Variants in POU4F2 observed in about 807,000 individuals in gnomAD.
POU4F2 encodes the protein POU class 4 homeobox 2, also known as POU domain, class 4, transcription factor 2.
Under a neutral mutation model 21.5 loss-of-function variants are expected in POU4F2, and 10 were observed. That is an observed-to-expected ratio of 0.46 (90% CI 0.29 to 0.79). POU4F2 has a LOEUF of 0.79. Among genes scored for constraint, POU4F2 ranks in the 30% least tolerant of loss-of-function variants. The pLI, the probability that POU4F2 is intolerant of heterozygous loss-of-function variation, is 0.10. For missense variants in POU4F2, 623 were observed against 603.3 expected (o/e 1.03, Z -0.34); for synonymous variants, 324 against 271.1 (o/e 1.20, Z -1.92).
intron 1 of POU4F2, 90 bp from the exon 2 acceptor site, chr4:146,639,777 G>T: frequency 7.8e-7 from 1 of 1,280,552 alleles, no homozygotes; most frequent in Non-Finnish European, 1.1e-6. Flanking sequence ...TAGGCGCGGC[G>T]ACGGTGTCGA....
chr4:146,640,469 C>T lies in POU4F2; in HGVS notation c.891C>T (p.Ser297=). The T allele has an allele frequency of 6.2e-7, 1 of 1,614,056 alleles. No homozygotes were observed. Among genetic ancestry groups the T allele is most frequent in the Non-Finnish European group, 8.5e-7 (1 of 1,180,030 alleles). The stretch of plus-strand genomic sequence containing the variant: ...CCGGCGTGGGCTCGCTTAGCCAGAG[C>T]ACCATCTGCAGGTTCGAGTCCCTCA... The part of the protein sequence containing the change: ...KIPGVGSLSQ[S]TICRFESLTL... The change falls in exon 2 of 2, where the codon AGC becomes AGT. Residue 297 remains serine (S), a synonymous_variant. Coordinates refer to ENST00000281321, the MANE Select transcript of POU4F2 (RefSeq NM_004575.3). The surrounding 1 kb of genome is among the most constrained non-coding windows in gnomAD (Gnocchi z 4.8).
At position 146,640,899 on chromosome 4, in the gene POU4F2, C is replaced by T; in HGVS notation, c.*91C>T. 2 of 1,325,652 alleles carry T rather than the reference C, an allele frequency of 1.5e-6. No homozygotes were observed. The highest frequency in any genetic ancestry group is 2.0e-6 in the Non-Finnish European group (2 of 986,212). 82.1% of individuals were successfully genotyped at this position (1,325,652 alleles called of 1,614,324 possible). A position where few individuals can be genotyped will look rare whatever the true frequency, so the allele number is the denominator to read the frequency against. On this transcript the variant is annotated 3_prime_UTR_variant, in exon 2 of 2. Transcript: ENST00000281321. This position sits in a 1 kb window ranked among gnomAD's most constrained non-coding sequence, Gnocchi z 4.8. ...TCTTTTCACTTTTGGCGACTAGAAACAATTCCAGTAAATGTGAATCTCGAC... is the reference window on the plus strand; with the variant it reads ...TCTTTTCACTTTTGGCGACTAGAAATAATTCCAGTAAATGTGAATCTCGAC...
Position 146,642,007 on chromosome 4 carries a change from A to T in POU4F2, c.*1199A>T, listed in dbSNP as rs1004782788. The T allele has an allele frequency of 2.0e-5, 3 of 152,632 alleles. No homozygotes were observed. The highest frequency in any genetic ancestry group is 4.4e-5 in the Non-Finnish European group (3 of 68,034). The allele number at this position is 152,632 out of a possible 1,614,324, so 9.5% of individuals were successfully genotyped here. A position where few individuals can be genotyped will look rare whatever the true frequency, so the allele number is the denominator to read the frequency against. On this transcript the variant is annotated 3_prime_UTR_variant, in exon 2 of 2. Transcript: ENST00000281321. ...TTTCACCAAGGTATTTCAGTCTTCC[A>T]GTTTTCAATTGCTTTGTTGGCTACA...
rs1403079172 is a variant in POU4F2, at chr4:146,641,357, T to TA, written c.*549_*550insA. 6.6e-6 allele frequency: 1 copy of TA among 152,626 alleles called. No individual in the cohort carries two copies. Among genetic ancestry groups the TA allele is most frequent in the Non-Finnish European group, 1.5e-5 (1 of 68,036 alleles). The allele number at this position is 152,626 out of a possible 1,614,324, so 9.5% of individuals were successfully genotyped here. ...ATTTACACTGTATATTATATATATA[T>TA]TTTTATTGTGGTTCTTACCCCCTTT... is the stretch of plus-strand genomic sequence containing the variant. On this transcript the variant is annotated 3_prime_UTR_variant, in exon 2 of 2. Coordinates refer to ENST00000281321, the MANE Select transcript of POU4F2 (RefSeq NM_004575.3).
At position 146,640,368 on chromosome 4, in the gene POU4F2, C is replaced by G. The variant is rs771646896; in HGVS notation, c.790C>G (p.Arg264Gly). 1.3e-6 allele frequency: 2 copies of G among 1,598,892 alleles called. No individual in the cohort carries two copies. The highest frequency in any genetic ancestry group is 1.7e-6 in the Non-Finnish European group (2 of 1,174,968). ...GCGGGACCTGGAGGCATTCGCCGAG[C>G]GCTTCAAGCAGCGACGCATCAAGCT... is the stretch of plus-strand genomic sequence containing the variant. Reference protein sequence around the residue: ...DPRDLEAFAERFKQRRIKLGV... With the variant: ...DPRDLEAFAEGFKQRRIKLGV... Residue 264 changes from arginine to glycine, a missense_variant, in exon 2 of 2, where the codon CGC (arginine) becomes GGC (glycine). Arg to Gly is a moderately radical substitution (Grantham distance 125). Around this residue, in one of 3 missense-constraint regions of POU4F2, gnomAD observed 523 missense variants for 504.1 expected, o/e 1.04. Coordinates refer to ENST00000281321, the MANE Select transcript of POU4F2 (RefSeq NM_004575.3). The surrounding 1 kb of genome is among the most constrained non-coding windows in gnomAD (Gnocchi z 4.8).
rs749757264 is a variant in POU4F2 at position 146,640,519 on chromosome 4, C to A, written c.941C>A (p.Ala314Glu). The change falls in exon 2 of 2, where the codon GCG becomes GAG. Residue 314 changes from alanine (A) to glutamate (E), a missense_variant. Around this residue, in one of 3 missense-constraint regions of POU4F2, gnomAD observed 523 missense variants for 504.1 expected, o/e 1.04. Coordinates refer to ENST00000281321, the MANE Select transcript of POU4F2 (RefSeq NM_004575.3). This position sits in a 1 kb window ranked among gnomAD's most constrained non-coding sequence, Gnocchi z 4.8. ...SLTLSHNNMI[A>E]LKPILQAWLE... The stretch of plus-strand genomic sequence containing the variant: ...ACACTGTCCCACAATAATATGATCG[C>A]GCTCAAACCCATCCTGCAGGCATGG... The A allele has an allele frequency of 1.2e-6, 2 of 1,614,016 alleles. No individual in the cohort carries two copies. The highest frequency in any genetic ancestry group is 1.6e-4 in the Middle Eastern group (1 of 6,082).
intron 1 of POU4F2, 29 bp from the exon 2 acceptor site, chr4:146,639,838 T>C (rs778146441): frequency 1.7e-5 from 25 of 1,514,862 alleles, no homozygotes; most frequent in Non-Finnish European, 1.9e-5. Context: ...CTGCTGAGCG[T>C]AATGTGTGCC....
chr4:146,639,855 T>C lies in POU4F2; in HGVS notation c.289-12T>C. On this transcript the variant is annotated splice_polypyrimidine_tract_variant and intron_variant, in intron 1 of 1. Transcript: ENST00000281321. ...GCTGAGCGTAATGTGTGCCTTCTAC[T>C]TACAATTGCAGAGCAATATATTCGG... 4 of 1,523,650 alleles carry C rather than the reference T, an allele frequency of 2.6e-6. No homozygotes were observed. Among genetic ancestry groups the C allele is most frequent in the Admixed American group, 2.1e-5 (1 of 47,184 alleles). 94.4% of individuals were successfully genotyped at this position (1,523,650 alleles called of 1,614,324 possible).
chr4:146,640,145 G>A lies in POU4F2; in HGVS notation c.567G>A (p.Glu189=). Reference sequence around the variant, plus strand: ...ACCACCAACCGCACCAGGCGCTGGAGGGCGAGCTGCTGGAGCACCTGAGTC... The same window carrying A: ...ACCACCAACCGCACCAGGCGCTGGAAGGCGAGCTGCTGGAGCACCTGAGTC... ...HHHHQPHQAL[E]GELLEHLSPG... Residue 189 remains glutamate, a synonymous_variant, in exon 2 of 2, where the codon GAG becomes GAA. Coordinates refer to ENST00000281321, the MANE Select transcript of POU4F2 (RefSeq NM_004575.3). This position sits in a 1 kb window ranked among gnomAD's most constrained non-coding sequence, Gnocchi z 4.8. The A allele has an allele frequency of 1.9e-6, 3 of 1,596,456 alleles. No homozygotes were observed. The highest frequency in any genetic ancestry group is 2.5e-6 in the Non-Finnish European group (3 of 1,177,604).
chr4:146,638,996 C>T lies in POU4F2; in HGVS notation c.-145C>T, dbSNP rs532189913. On this transcript the variant is annotated 5_prime_UTR_variant, in exon 1 of 2. Transcript: ENST00000281321. ...GAGCGCGTAGCCGAGATCAGGCGTA[C>T]AGAGTCCGGAGGCGGCGGCGGGTGA... 3.6e-3 allele frequency: 3,761 copies of T among 1,035,656 alleles called. 14 individuals carry two copies. The highest frequency in any genetic ancestry group is 4.4e-3 in the Non-Finnish European group (3,231 of 733,880). The allele number at this position is 1,035,656 out of a possible 1,614,324, so 64.2% of individuals were successfully genotyped here.
chr4:146,639,269 G>T lies in POU4F2; in HGVS notation c.129G>T (p.Ser43=). 1 of 1,572,316 alleles carries T rather than the reference G, an allele frequency of 6.4e-7. No homozygotes were observed. Among genetic ancestry groups the T allele is most frequent in the East Asian group, 2.5e-5 (1 of 40,154 alleles). ...GCTCCTCGGCTCCCATCGCGCCCTCGGCCAGCTCCCCCAGCAGCTCGAGCA... is the reference window on the plus strand; with the variant it reads ...GCTCCTCGGCTCCCATCGCGCCCTCTGCCAGCTCCCCCAGCAGCTCGAGCA... The part of the protein sequence containing the change: ...SPGSSAPIAP[S]ASSPSSSSNA... Residue 43 remains serine (S), a synonymous_variant, in exon 1 of 2, where the codon TCG becomes TCT. Coordinates refer to ENST00000281321, the MANE Select transcript of POU4F2 (RefSeq NM_004575.3).
At chr4:146,639,744 A>G (rs1740836640) in intron 1 of POU4F2, 123 bp from the exon 2 acceptor site, 3 of 1,017,522 alleles carry the variant, frequency 2.9e-6, no homozygotes, top group Non-Finnish European at 4.2e-6. Context: ...TATTATTATT[A>G]TTTTAACGAT....
chr4:146,642,226 C>T lies in POU4F2; in HGVS notation c.*1418C>T, dbSNP rs577911804. 1.3e-5 allele frequency: 2 copies of T among 152,454 alleles called. No individual in the cohort carries two copies. The highest frequency in any genetic ancestry group is 4.8e-5 in the African/African-American group (2 of 41,420). 9.4% of individuals were successfully genotyped at this position (152,454 alleles called of 1,614,324 possible). On this transcript the variant is annotated 3_prime_UTR_variant, in exon 2 of 2. Transcript: ENST00000281321. Reference sequence around the variant, plus strand: ...TAAATATTTCATTAAAAATGATGCACACATAGATATATTCTTACAAATTTT... The same window carrying T: ...TAAATATTTCATTAAAAATGATGCATACATAGATATATTCTTACAAATTTT...
Position 146,639,049 on chromosome 4 carries a change from T to C in POU4F2, c.-92T>C. The stretch of plus-strand genomic sequence containing the variant: ...TCAACTTCGCACAGCCCTTCCCAGC[T>C]CCAGCCCCGGCTGGCCCGGCACTTC... On this transcript the variant is annotated 5_prime_UTR_variant, in exon 1 of 2. Transcript: ENST00000281321. 2 of 1,471,650 alleles carry C rather than the reference T, an allele frequency of 1.4e-6. No individual in the cohort carries two copies. The highest frequency in any genetic ancestry group is 1.8e-6 in the Non-Finnish European group (2 of 1,107,070). 91.2% of individuals were successfully genotyped at this position (1,471,650 alleles called of 1,614,324 possible).
rs1227995763 is a variant in POU4F2 at position 146,641,947 on chromosome 4, A to AT, written c.*1142dup. 6.6e-6 allele frequency: 1 copy of AT among 152,560 alleles called. No homozygotes were observed. The highest frequency in any genetic ancestry group is 1.5e-5 in the Non-Finnish European group (1 of 68,012). 9.5% of individuals were successfully genotyped at this position (152,560 alleles called of 1,614,324 possible). A position where few individuals can be genotyped will look rare whatever the true frequency, so the allele number is the denominator to read the frequency against. The stretch of plus-strand genomic sequence containing the variant: ...TGCACCATTTTCTAGTTTTAGGTGC[A>AT]TTTGCCACTTGGTGTTTGCCCTTCA... On this transcript the variant is annotated 3_prime_UTR_variant, in exon 2 of 2. Coordinates refer to ENST00000281321, the MANE Select transcript of POU4F2 (RefSeq NM_004575.3).
In POU4F2 at chr4:146,638,993, G is replaced by T. The variant is rs1417796046; in HGVS notation, c.-148G>T. On this transcript the variant is annotated 5_prime_UTR_variant, in exon 1 of 2. Transcript: ENST00000281321. ...AAGGAGCGCGTAGCCGAGATCAGGC[G>T]TACAGAGTCCGGAGGCGGCGGCGGG... The T allele has an allele frequency of 4.0e-6, 4 of 1,007,084 alleles. No individual in the cohort carries two copies. Among genetic ancestry groups the T allele is most frequent in the Non-Finnish European group, 5.6e-6 (4 of 708,784 alleles). 62.4% of individuals were successfully genotyped at this position (1,007,084 alleles called of 1,614,324 possible).
chr4:146,639,674 A>C (rs1740835658), intron 1 of POU4F2, among the ~76,000 whole-genome samples, 193 bp from the exon 2 acceptor site: 1 of 149,076 alleles, frequency 6.7e-6, no homozygotes, highest in Admixed American at 6.7e-5. Context: ...CTCCTCCTGC[A>C]CTCTCGGCTT....
chr4:146,640,131 C>T lies in POU4F2; in HGVS notation c.553C>T (p.His185Tyr), dbSNP rs773864450. 2.5e-6 allele frequency: 4 copies of T among 1,599,124 alleles called. No homozygotes were observed. In the Admixed American group the frequency reaches 5.0e-5, roughly 20 times the overall value. Residue 185 changes from histidine (H) to tyrosine (Y), a missense_variant, in exon 2 of 2, where the codon CAC (histidine) becomes TAC (tyrosine). Around this residue, in one of 3 missense-constraint regions of POU4F2, gnomAD observed 523 missense variants for 504.1 expected, o/e 1.04. Coordinates refer to ENST00000281321, the MANE Select transcript of POU4F2 (RefSeq NM_004575.3). The surrounding 1 kb of genome is among the most constrained non-coding windows in gnomAD (Gnocchi z 4.8). ...TCACCACCACCACCACCACCAACCG[C>T]ACCAGGCGCTGGAGGGCGAGCTGCT... ...HHHHHHHHQP[H>Y]QALEGELLEH...
At position 146,639,101 on chromosome 4, in the gene POU4F2, G is replaced by C. The variant is rs373501732; in HGVS notation, c.-40G>C. 62 of 1,590,708 alleles carry C rather than the reference G, an allele frequency of 3.9e-5. No homozygotes were observed. Among genetic ancestry groups the C allele is most frequent in the Non-Finnish European group, 5.0e-5 (59 of 1,171,218 alleles). On this transcript the variant is annotated 5_prime_UTR_variant, in exon 1 of 2. Transcript: ENST00000281321. ...CGGAGGGTCCCGGCAGCCGGGACCA[G>C]TGAGTGCCTCTACGGACCAGCGCCC... is the stretch of plus-strand genomic sequence containing the variant.
Sources: allele counts gnomAD v4.1 joint callset (sites outside exome capture counted in the v4.1 genomes callset), GRCh38; gene constraint gnomAD v4.1.1; regional missense constraint gnomAD v4.1.1; non-coding constraint Gnocchi (gnomAD v3.1); transcripts MANE v1.5; gene names NCBI Gene and HGNC (gene_info 2026-07-23, HGNC 2026-07-21).